LATS1: variants seen among roughly 807,000 people sequenced by gnomAD.
The protein encoded by LATS1 is serine/threonine-protein kinase LATS1.
Under a neutral mutation model 106.6 loss-of-function variants are expected in LATS1, and 25 were observed. That is an observed-to-expected ratio of 0.23 (90% CI 0.17 to 0.33). The LOEUF (loss-of-function observed/expected upper bound fraction) is 0.33. Among genes scored for constraint, LATS1 ranks in the 10% least tolerant of loss-of-function variants. LATS1 has a pLI of 1.00. For synonymous variants in LATS1, 465 were observed against 455.6 expected (o/e 1.02, Z -0.26); for missense variants, 1,040 against 1,382.6 (o/e 0.75, Z 3.93).
intron 1 of LATS1, among the ~76,000 whole-genome samples, chr6:149,708,212 C>T (rs1188126684): frequency 1.3e-5 from 2 of 151,950 alleles, no homozygotes; most frequent in Admixed American, 6.6e-5. Flanking sequence ...TTTAATTGTA[C>T]AAGACCACCC....
Position 149,661,316 on chromosome 6 carries a change from G to A in LATS1, c.*413C>T, listed in dbSNP as rs1780874013. Reference sequence around the variant, plus strand: ...GGGGAAAAAAGAGCTCTGTAAAATAGGGGGTATGTTTCATATTTGGTTAAA... The same window carrying A: ...GGGGAAAAAAGAGCTCTGTAAAATAAGGGGTATGTTTCATATTTGGTTAAA... On this transcript the variant is annotated 3_prime_UTR_variant, in exon 8 of 8. Coordinates refer to ENST00000543571, the MANE Select transcript of LATS1 (RefSeq NM_004690.4). 4.3e-6 allele frequency: 1 copy of A among 234,004 alleles called. No individual in the cohort carries two copies. Among genetic ancestry groups the A allele is most frequent in the South Asian group, 1.8e-4 (1 of 5,574 alleles). 14.5% of individuals were successfully genotyped at this position (234,004 alleles called of 1,614,324 possible).
At chr6:149,676,391 GCA>G (rs1781725566) in intron 6 of LATS1, 25 bp from the exon 7 acceptor site, 1 of 1,517,094 alleles carries the variant, frequency 6.6e-7, no homozygotes, top group African/African-American at 1.4e-5. Flanking sequence ...TTATTTATAA[GCA>G]CTTTAAAAAT....
chr6:149,666,836 C>T (rs1243672769), intron 7 of LATS1, among the ~76,000 whole-genome samples: 6 of 149,494 alleles, frequency 4.0e-5, no homozygotes, highest in African/African-American at 7.4e-5. Context: ...CACCTACTCC[C>T]GGGAGGCTGA....
intron 1 of LATS1, among the ~76,000 whole-genome samples, chr6:149,711,302 T>A (rs1784079118): frequency 6.6e-6 from 1 of 152,052 alleles, no homozygotes; most frequent in African/African-American, 2.4e-5. Context: ...TCCAGCACTT[T>A]GGGAGGCCGA....
intron 5 of LATS1, among the ~76,000 whole-genome samples, chr6:149,678,930 T>C (rs1781880674): frequency 1.3e-5 from 2 of 152,134 alleles, no homozygotes; most frequent in Non-Finnish European, 2.9e-5. Context: ...GTAACAGTCA[T>C]GTAATGAAAT....
intron 2 of LATS1, among the ~76,000 whole-genome samples, chr6:149,696,559 T>TAAAA (rs372769091): frequency 1.1e-4 from 5 of 45,818 alleles, no homozygotes; most frequent in East Asian, 1.7e-3. Flanking sequence ...AACTCCGTCT[T>TAAAA]AAAAAAAAAA....
intron 2 of LATS1, among the ~76,000 whole-genome samples, chr6:149,695,534 G>A (rs1783010174): frequency 6.6e-6 from 1 of 152,136 alleles, no homozygotes; most frequent in South Asian, 2.1e-4. Context: ...AAAATTAGCT[G>A]GGTGTGCTGG....
chr6:149,696,384 C>G (rs1336887261), intron 2 of LATS1, among the ~76,000 whole-genome samples: 1 of 149,826 alleles, frequency 6.7e-6, no homozygotes, highest in Non-Finnish European at 1.5e-5. Context: ...GCCTGACCAA[C>G]ATGGTAAAAC....
intron 4 of LATS1, among the ~76,000 whole-genome samples, chr6:149,682,482 G>C (rs1582872963): frequency 6.6e-6 from 1 of 151,288 alleles, no homozygotes; most frequent in African/African-American, 2.4e-5. Context: ...CGCGATCTCG[G>C]CTCACTGCAA....
intron 7 of LATS1, among the ~76,000 whole-genome samples, chr6:149,673,221 G>C (rs934172197): frequency 2.0e-5 from 3 of 149,736 alleles, no homozygotes; most frequent in Non-Finnish European, 4.4e-5. Flanking sequence ...CCTCAGCCTC[G>C]TGAGTAGCTG....
chr6:149,674,984 C>T (rs555642053), intron 7 of LATS1, among the ~76,000 whole-genome samples: 2 of 151,776 alleles, frequency 1.3e-5, no homozygotes, highest in East Asian at 1.9e-4. Context: ...ATCAGGAGGC[C>T]GAGGCGGGCA....
chr6:149,711,638 C>T (rs1239817817), intron 1 of LATS1, among the ~76,000 whole-genome samples: 1 of 152,086 alleles, frequency 6.6e-6, no homozygotes, highest in Non-Finnish European at 1.5e-5. Flanking sequence ...CTTGGGTCCC[C>T]GACTTCTATG....
chr6:149,717,568 G>C (rs1784475555), intron 1 of LATS1: 1 of 153,184 alleles, frequency 6.5e-6, no homozygotes, highest in Non-Finnish European at 1.5e-5. Flanking sequence ...GAGACACGCC[G>C]CCAGAAAGAC....
At chr6:149,701,228 T>C (rs957161521) in intron 2 of LATS1, among the ~76,000 whole-genome samples, 5 of 152,340 alleles carry the variant, frequency 3.3e-5, no homozygotes, top group East Asian at 1.9e-4. Context: ...TGATTAAATA[T>C]ATGGGTTATG....
rs1782228016 is a variant in LATS1, at chr6:149,684,204, T to C, written c.885A>G (p.Ala295=). The C allele has an allele frequency of 5.0e-6, 8 of 1,614,228 alleles. No individual in the cohort carries two copies. Among genetic ancestry groups the C allele is most frequent in the African/African-American group, 1.3e-5 (1 of 75,054 alleles). The change falls in exon 4 of 8, where the codon GCA becomes GCG. Residue 295 remains alanine (A), a synonymous_variant. Coordinates refer to ENST00000543571, the MANE Select transcript of LATS1 (RefSeq NM_004690.4). ...GTGGTGGAGGATAGCCCTCTTGCCA[T>C]GCCCCAGGTGGGACAGGAGAGATTC... ...ISRISPVPPG[A]WQEGYPPPPL... is the part of the protein sequence containing the mutation.
rs1178074004 is a variant in LATS1, at chr6:149,662,173, A to G, written c.2949T>C (p.Asp983=). ...PQAKLSPEAS[D]LIIKLCRGPE... ...GTCCTCGGCAAAGTTTAATAATAAG[A>G]TCAGAAGCTTCAGGACTGAGTTTAG... The change falls in exon 8 of 8, where the codon GAT becomes GAC. Residue 983 remains aspartate (D), a synonymous_variant. Coordinates refer to ENST00000543571, the MANE Select transcript of LATS1 (RefSeq NM_004690.4). 6.2e-7 allele frequency: 1 copy of G among 1,613,730 alleles called. No homozygotes were observed. Among genetic ancestry groups the G allele is most frequent in the Non-Finnish European group, 8.5e-7 (1 of 1,180,028 alleles).
chr6:149,674,558 C>T (rs1781608540), intron 7 of LATS1, among the ~76,000 whole-genome samples: 1 of 147,256 alleles, frequency 6.8e-6, no homozygotes, highest in Non-Finnish European at 1.5e-5. Flanking sequence ...ATTTTTTGTA[C>T]AGAGGGGGTT....
In LATS1 at chr6:149,675,249, G is replaced by A. The variant is rs188486008; in HGVS notation, c.2883+1011C>T. On this transcript the variant is annotated intron_variant, in intron 7 of 7. Coordinates refer to ENST00000543571, the MANE Select transcript of LATS1 (RefSeq NM_004690.4). ...AAAAAAAAAGAGAGAATGACCAAGA[G>A]TTAATTAGACTTCAGAAAGGAGGAA... Among the ~76,000 whole-genome samples, 12 of 150,952 alleles carry A rather than the reference G, an allele frequency of 7.9e-5. No homozygotes were observed. The East Asian group carries it at 1.9e-3, about 24-fold the overall frequency.
chr6:149,670,525 C>G (rs531714391), intron 7 of LATS1, among the ~76,000 whole-genome samples: 1 of 152,072 alleles, frequency 6.6e-6, no homozygotes, highest in African/African-American at 2.4e-5. Flanking sequence ...ATTCCTCAGT[C>G]CTGCAGCAGT....
Sources: allele counts gnomAD v4.1 joint callset (sites outside exome capture counted in the v4.1 genomes callset), GRCh38; gene constraint gnomAD v4.1.1; transcripts MANE v1.5; gene names NCBI Gene and HGNC (gene_info 2026-07-23, HGNC 2026-07-21).